ALOX5AP: variants seen among roughly 807,000 people sequenced by gnomAD.
The protein encoded by ALOX5AP is arachidonate 5-lipoxygenase-activating protein.
A neutral mutation model predicts 18.5 loss-of-function variants in ALOX5AP; 9 were observed. The ratio of observed to expected loss-of-function variants is 0.49; its 90% CI spans 0.29 to 0.85. The LOEUF is 0.85. ALOX5AP is among the 40% of genes least tolerant of loss of function. The pLI is 0.08. For synonymous variants in ALOX5AP, 81 were observed against 78.6 expected (o/e 1.03, Z -0.16); for missense variants, 172 against 202.5 (o/e 0.85, Z 0.91).
chr13:30,755,395 A>T (rs1488170745), intron 3 of ALOX5AP, among the ~76,000 whole-genome samples: 1 of 152,198 alleles, frequency 6.6e-6, no homozygotes, highest in African/African-American at 2.4e-5. Flanking sequence ...TTACGAGCTG[A>T]CAGCCTTATG....
intron 1 of ALOX5AP, among the ~76,000 whole-genome samples, chr13:30,716,441 T>C (rs933297228): frequency 2.0e-5 from 3 of 152,246 alleles, no homozygotes; most frequent in Non-Finnish European, 4.4e-5. Context: ...GAAATGTAGA[T>C]CAGGCCGCAC....
intron 1 of ALOX5AP, among the ~76,000 whole-genome samples, chr13:30,718,790 C>T (rs1008224803): frequency 6.6e-6 from 1 of 152,160 alleles, no homozygotes; most frequent in Admixed American, 6.5e-5. Context: ...AAACCTTGAC[C>T]TTTGAGGTCA....
At chr13:30,714,764 C>T (rs61947375) in intron 1 of ALOX5AP, among the ~76,000 whole-genome samples, 8,427 of 152,268 alleles carry the variant, frequency 0.055, 262 homozygotes, top group South Asian at 0.097. Context: ...CTCTCCTAAG[C>T]TTACGCCGTC....
At chr13:30,756,350 A>T (rs1951893919) in intron 4 of ALOX5AP, among the ~76,000 whole-genome samples, 1 of 152,160 alleles carries the variant, frequency 6.6e-6, no homozygotes, top group South Asian at 2.1e-4. Flanking sequence ...CTGGCGCTGG[A>T]ATGACATTTT....
intron 2 of ALOX5AP, among the ~76,000 whole-genome samples, chr13:30,747,106 G>C (rs922675472): frequency 3.3e-5 from 5 of 152,342 alleles, no homozygotes; most frequent in South Asian, 4.1e-4. Context: ...CATGAGGGCA[G>C]AGCTGAGCCA....
intron 1 of ALOX5AP, among the ~76,000 whole-genome samples, chr13:30,737,839 A>G (rs2137804664): frequency 6.6e-6 from 1 of 152,270 alleles, no homozygotes; most frequent in Middle Eastern, 3.4e-3. Context: ...ATAGCTCTCA[A>G]TGGAGGGGGC....
At chr13:30,732,626 G>A (rs1191462406), upstream of ALOX5AP, among the ~76,000 whole-genome samples, 1 of 152,144 alleles carries the variant, frequency 6.6e-6, no homozygotes, top group Admixed American at 6.5e-5. Flanking sequence ...GGCAGCCTGG[G>A]CCAATGAGGC....
upstream of ALOX5AP, among the ~76,000 whole-genome samples, chr13:30,733,580 AATTG>A (rs1356271988): frequency 6.6e-6 from 1 of 152,158 alleles, no homozygotes; most frequent in Non-Finnish European, 1.5e-5. Context: ...TTTTATGTCA[AATTG>A]ATTGAGCTAA....
upstream of ALOX5AP, among the ~76,000 whole-genome samples, chr13:30,732,406 TAGAG>T (rs1268397920): frequency 6.6e-6 from 1 of 152,184 alleles, no homozygotes; most frequent in Non-Finnish European, 1.5e-5. Context: ...GCGTGTAGGA[TAGAG>T]AAACTTCTTT....
intron 1 of ALOX5AP, among the ~76,000 whole-genome samples, chr13:30,741,249 G>C (rs1414588687): frequency 6.7e-6 from 1 of 148,534 alleles, no homozygotes; most frequent in Non-Finnish European, 1.5e-5. Context: ...CAGCCTACAG[G>C]TGCCTGCCAC....
At chr13:30,759,552 A>G (rs1207491686) in intron 4 of ALOX5AP, among the ~76,000 whole-genome samples, 1 of 152,200 alleles carries the variant, frequency 6.6e-6, no homozygotes, top group Non-Finnish European at 1.5e-5. Flanking sequence ...TCCTAGAGCC[A>G]GGGGCACATT....
intron 1 of ALOX5AP, among the ~76,000 whole-genome samples, chr13:30,714,664 G>A (rs1448429178): frequency 4.6e-5 from 7 of 151,988 alleles, no homozygotes; most frequent in Non-Finnish European, 1.0e-4. Flanking sequence ...TGGCTGTCTT[G>A]GATGCTTCAA....
At chr13:30,761,255 C>T (rs954924164) in intron 4 of ALOX5AP, among the ~76,000 whole-genome samples, 2 of 152,180 alleles carry the variant, frequency 1.3e-5, no homozygotes, top group South Asian at 2.1e-4. Context: ...TCCTATGCTG[C>T]GAGGGCCACA....
Position 30,715,179 on chromosome 13 carries a change from C to A in ALOX5AP, c.116+1338C>A, listed in dbSNP as rs571961088. ...CCTGGCTTTGAGAACCGGGCTTTAA[C>A]TTGTCACATGACTATGGCCAAGTTC... On this transcript the variant is annotated intron_variant, in intron 1 of 5. Coordinates refer to the ALOX5AP transcript ENST00000617770. 2.6e-5 allele frequency among the ~76,000 whole-genome samples: 4 copies of A among 152,290 alleles called. No homozygotes were observed. In the East Asian group the frequency reaches 7.7e-4, roughly 29 times the overall value.
At chr13:30,720,443 C>G (rs1024351771) in intron 1 of ALOX5AP, among the ~76,000 whole-genome samples, 3 of 152,130 alleles carry the variant, frequency 2.0e-5, no homozygotes, top group Non-Finnish European at 4.4e-5. Flanking sequence ...GGAATGATAA[C>G]AAAATATAAT....
chr13:30,751,105 C>T (rs1951848191), intron 2 of ALOX5AP, among the ~76,000 whole-genome samples: 1 of 152,196 alleles, frequency 6.6e-6, no homozygotes, highest in South Asian at 2.1e-4. Context: ...GCTCTGTTGC[C>T]TGGGCTGGAG....
intron 2 of ALOX5AP, among the ~76,000 whole-genome samples, chr13:30,748,053 G>A (rs1951823048): frequency 6.6e-6 from 1 of 152,022 alleles, no homozygotes; most frequent in South Asian, 2.1e-4. Context: ...CTGAGTAGCT[G>A]GGATTACAGC....
chr13:30,743,960 G>A (rs1023805798), intron 1 of ALOX5AP, 100 bp from the exon 2 acceptor site: 6 of 954,828 alleles, frequency 6.3e-6, no homozygotes, highest in East Asian at 2.6e-5. Context: ...TTGCTTGGAG[G>A]TCAAGTCAAG....
At chr13:30,720,292 A>G (rs1398707324) in intron 1 of ALOX5AP, among the ~76,000 whole-genome samples, 1 of 152,224 alleles carries the variant, frequency 6.6e-6, no homozygotes, top group Non-Finnish European at 1.5e-5. Context: ...AAAGATCTTT[A>G]AGTGGTTCTC....
Sources: allele counts gnomAD v4.1 joint callset (sites outside exome capture counted in the v4.1 genomes callset), GRCh38; gene constraint gnomAD v4.1.1; transcripts MANE v1.5; gene names NCBI Gene and HGNC (gene_info 2026-07-23, HGNC 2026-07-21).